The following MIPOL1 variants were observed in gnomAD, a reference collection of about 807,000 sequenced individuals.
The protein encoded by MIPOL1 is mirror-image polydactyly gene 1 protein.
A neutral mutation model predicts 60.9 loss-of-function variants in MIPOL1; 57 were observed. That is an observed-to-expected ratio of 0.94 (90% CI 0.76 to 1.17). The LOEUF is 1.17. Among genes scored for constraint, MIPOL1 ranks in the 50% most tolerant of loss-of-function variants. The probability of loss-of-function intolerance (pLI) is 0.00; values close to 1 mark genes in which losing one functional copy is unlikely to be tolerated. For missense variants in MIPOL1, 551 were observed against 511.6 expected (o/e 1.08, Z -0.74); for synonymous variants, 179 against 168.8 (o/e 1.06, Z -0.47).
chr14:37,200,191 A>G (rs2139056185), intron 1 of MIPOL1, among the ~76,000 whole-genome samples: 1 of 152,332 alleles, frequency 6.6e-6, no homozygotes, highest in South Asian at 2.1e-4. Flanking sequence ...CTAACCAAGT[A>G]ATGTGTGAAG....
intron 11 of MIPOL1, among the ~76,000 whole-genome samples, chr14:37,451,540 A>C (rs891526182): frequency 2.0e-5 from 3 of 151,252 alleles, no homozygotes; most frequent in Non-Finnish European, 2.9e-5. Flanking sequence ...TTCTTAAACA[A>C]TGAGCTTTTC....
intron 10 of MIPOL1, among the ~76,000 whole-genome samples, chr14:37,381,227 A>G (rs73265941): frequency 1.1e-3 from 167 of 152,152 alleles, no homozygotes; most frequent in African/African-American, 3.8e-3. Context: ...CTTCATTACT[A>G]TCTTCCTCCT....
chr14:37,299,714 T>G (rs542096947), intron 7 of MIPOL1, among the ~76,000 whole-genome samples: 10 of 152,240 alleles, frequency 6.6e-5, no homozygotes, highest in Non-Finnish European at 1.5e-4. Flanking sequence ...ACATCTTAAA[T>G]TACCATGATA....
Position 37,539,529 on chromosome 14 carries a change from G to A in MIPOL1, c.1263-7376G>A, listed in dbSNP as rs1241717310. On this transcript the variant is annotated intron_variant, in intron 12 of 12. Transcript: ENST00000684589. ...TGAACCATACTGGATTGTTGTATAG[G>A]ACTCTATGTTTTTAAAAACACTAGA... Among the ~76,000 whole-genome samples, 3 of 152,194 alleles carry A rather than the reference G, an allele frequency of 2.0e-5. No individual in the cohort carries two copies. In the East Asian group the frequency reaches 5.8e-4, roughly 29 times the overall value.
intron 9 of MIPOL1, among the ~76,000 whole-genome samples, chr14:37,359,067 C>T (rs1024095905): frequency 1.3e-5 from 2 of 152,120 alleles, no homozygotes; most frequent in Non-Finnish European, 2.9e-5. Context: ...GCCAGTTTTC[C>T]CAGCACGATT....
intron 9 of MIPOL1, among the ~76,000 whole-genome samples, chr14:37,358,651 G>C (rs1318041793): frequency 4.6e-5 from 7 of 152,106 alleles, no homozygotes; most frequent in Non-Finnish European, 1.5e-5. Flanking sequence ...AGAAGTGTCT[G>C]TTAATACCCT....
At chr14:37,318,820 TTTATTTAGTTAG>T (rs2088232793) in intron 9 of MIPOL1, among the ~76,000 whole-genome samples, 1 of 147,208 alleles carries the variant, frequency 6.8e-6, no homozygotes, top group African/African-American at 2.6e-5. Context: ...TATTTATTTA[TTTATTTAGTTAG>T]TTAGTTAGTT....
chr14:37,380,666 TTG>T (rs1160918017), intron 10 of MIPOL1, among the ~76,000 whole-genome samples: 3 of 152,170 alleles, frequency 2.0e-5, no homozygotes, highest in Non-Finnish European at 4.4e-5. Flanking sequence ...GCTTTTAACA[TTG>T]GTTACTAATG....
intron 12 of MIPOL1, among the ~76,000 whole-genome samples, chr14:37,540,681 C>T (rs1277276331): frequency 2.0e-5 from 3 of 152,048 alleles, no homozygotes; most frequent in Non-Finnish European, 4.4e-5. Flanking sequence ...ACCTTCTTTC[C>T]ATTGTTTCTA....
At chr14:37,287,232 T>A (rs1006545737) in intron 7 of MIPOL1, among the ~76,000 whole-genome samples, 6 of 150,448 alleles carry the variant, frequency 4.0e-5, no homozygotes, top group African/African-American at 1.2e-4. Flanking sequence ...TATTTAAAAA[T>A]ATATATATAT....
At chr14:37,431,868 A>G (rs1224370736) in intron 11 of MIPOL1, among the ~76,000 whole-genome samples, 1 of 151,922 alleles carries the variant, frequency 6.6e-6, no homozygotes, top group East Asian at 1.9e-4. Flanking sequence ...TACAGGCGTG[A>G]GCCACTACGC....
chr14:37,296,081 G>T (rs1397014689), intron 7 of MIPOL1, among the ~76,000 whole-genome samples: 3 of 152,142 alleles, frequency 2.0e-5, no homozygotes, highest in Non-Finnish European at 4.4e-5. Flanking sequence ...AAATGTAAAA[G>T]AACAGAAATT....
At chr14:37,420,569 C>T (rs928788052) in intron 10 of MIPOL1, among the ~76,000 whole-genome samples, 1 of 151,988 alleles carries the variant, frequency 6.6e-6, no homozygotes, top group African/African-American at 2.4e-5. Context: ...GTAAAGAGCA[C>T]ATTTAAATTG....
At chr14:37,416,526 A>G (rs76834853) in intron 10 of MIPOL1, among the ~76,000 whole-genome samples, 2,316 of 152,270 alleles carry the variant, frequency 0.015, 30 homozygotes, top group Non-Finnish European at 0.024. Flanking sequence ...GTATTTATGT[A>G]TCTAAACATG....
chr14:37,273,784 A>C (rs993616556), intron 6 of MIPOL1, among the ~76,000 whole-genome samples: 6 of 151,454 alleles, frequency 4.0e-5, no homozygotes, highest in African/African-American at 1.4e-4. Flanking sequence ...CTTTGGGTTT[A>C]TCTTCTCCGA....
At chr14:37,251,846 A>G (rs968119963) in intron 3 of MIPOL1, among the ~76,000 whole-genome samples, 2 of 151,960 alleles carry the variant, frequency 1.3e-5, no homozygotes, top group Non-Finnish European at 2.9e-5. Context: ...TTACAGGTAA[A>G]TATGTCTGCC....
intron 6 of MIPOL1, among the ~76,000 whole-genome samples, chr14:37,271,952 AT>A (rs951835959): frequency 2.0e-5 from 3 of 151,180 alleles, no homozygotes; most frequent in Admixed American, 6.6e-5. Context: ...TTACTCTTTA[AT>A]TTTTTTTATA....
chr14:37,218,900 G>A (rs1968230933), intron 1 of MIPOL1, among the ~76,000 whole-genome samples: 1 of 148,580 alleles, frequency 6.7e-6, no homozygotes, highest in Admixed American at 6.7e-5. Flanking sequence ...ACTCCAGCCT[G>A]GGCAACAGAG....
chr14:37,380,330 G>A (rs933122309), intron 10 of MIPOL1, among the ~76,000 whole-genome samples: 3 of 152,112 alleles, frequency 2.0e-5, no homozygotes, highest in Admixed American at 6.6e-5. Flanking sequence ...TTCTTTACAA[G>A]CAAGACTCTC....
Sources: gnomAD v4.1 joint callset for allele counts (sites outside exome capture counted in the v4.1 genomes callset) on GRCh38, gnomAD v4.1.1 for gene constraint, MANE v1.5 for transcripts, NCBI Gene and HGNC (gene_info 2026-07-23, HGNC 2026-07-21) for gene names.